Variants in IRF2 observed in about 807,000 individuals in gnomAD.
IRF2 encodes the protein interferon regulatory factor 2.
In IRF2, 15 loss-of-function variants were observed where a neutral mutation model predicts 40.6. The observed-to-expected ratio is 0.37, with a 90% CI of 0.25 to 0.57. The LOEUF (loss-of-function observed/expected upper bound fraction) is 0.57, where lower values mean the gene tolerates loss of function less well. Ranked by LOEUF, IRF2 falls within the 20% of genes least tolerant of loss-of-function variation. The pLI is 0.77. For missense variants in IRF2, 317 were observed against 455.7 expected (o/e 0.70, Z 2.77); for synonymous variants, 151 against 165.5 (o/e 0.91, Z 0.67).
chr4:184,393,549 C>T (rs1027993698), intron 7 of IRF2, among the ~76,000 whole-genome samples: 10 of 152,192 alleles, frequency 6.6e-5, no homozygotes, highest in African/African-American at 9.7e-5. Flanking sequence ...GACCTTGCAC[C>T]GCCCATGAAT....
At chr4:184,468,039 G>A (rs904787944) in intron 1 of IRF2, among the ~76,000 whole-genome samples, 1 of 152,114 alleles carries the variant, frequency 6.6e-6, no homozygotes, top group Non-Finnish European at 1.5e-5. Flanking sequence ...TGTCAACTCC[G>A]CTCTTTCTTG....
chr4:184,451,424 A>T (rs1287849298), intron 1 of IRF2, among the ~76,000 whole-genome samples: 1 of 152,228 alleles, frequency 6.6e-6, no homozygotes, highest in Non-Finnish European at 1.5e-5. Context: ...TGATGCACTC[A>T]GCATTAAACT....
intron 1 of IRF2, among the ~76,000 whole-genome samples, chr4:184,458,863 C>T (rs1739034789): frequency 1.3e-5 from 2 of 152,160 alleles, no homozygotes; most frequent in African/African-American, 4.8e-5. Flanking sequence ...TCTACTATGG[C>T]TCTTGTAAGA....
At chr4:184,453,824 G>A (rs373855327) in intron 1 of IRF2, among the ~76,000 whole-genome samples, 9 of 152,254 alleles carry the variant, frequency 5.9e-5, no homozygotes, top group African/African-American at 2.2e-4. Context: ...TCATTTTTGA[G>A]CTCCACAGAC....
rs1340401991 is a variant in IRF2 at position 184,408,297 on chromosome 4, A to G, written c.412-22T>C. The G allele has an allele frequency of 7.0e-7, 1 of 1,420,626 alleles. No individual in the cohort carries two copies. Among genetic ancestry groups the G allele is most frequent in the Non-Finnish European group, 9.9e-7 (1 of 1,005,746 alleles). 88.0% of individuals were successfully genotyped at this position (1,420,626 alleles called of 1,614,324 possible). ...CTTGCTAGGAAGAAGAAAAGAAAAA[A>G]GAATTGAGAACACTTCCTTTCCCCT... On this transcript the variant is annotated intron_variant, in intron 5 of 8. Coordinates refer to ENST00000393593, the MANE Select transcript of IRF2 (RefSeq NM_002199.4). The surrounding 1 kb of genome is among the most constrained non-coding windows in gnomAD (Gnocchi z 4.9).
intron 1 of IRF2, among the ~76,000 whole-genome samples, chr4:184,436,240 G>A: frequency 6.6e-6 from 1 of 152,180 alleles, no homozygotes; most frequent in Admixed American, 6.5e-5. Flanking sequence ...CTCCCAAAGT[G>A]CTGGGATTAC....
chr4:184,441,764 G>A (rs896875416), intron 1 of IRF2, among the ~76,000 whole-genome samples: 1 of 152,194 alleles, frequency 6.6e-6, no homozygotes, highest in African/African-American at 2.4e-5. Flanking sequence ...ACGTTAAGAG[G>A]ATAAGCTCAC....
chr4:184,422,030 G>C (rs1737502361), intron 2 of IRF2, among the ~76,000 whole-genome samples: 2 of 152,136 alleles, frequency 1.3e-5, no homozygotes, highest in South Asian at 4.1e-4. Context: ...GCTCCGGTGA[G>C]AGCTGATTAT....
intron 1 of IRF2, among the ~76,000 whole-genome samples, chr4:184,462,361 C>G (rs1302036262): frequency 6.6e-6 from 1 of 152,170 alleles, no homozygotes; most frequent in Non-Finnish European, 1.5e-5. Flanking sequence ...GCTACCTAAG[C>G]AGTTCTTAGG....
chr4:184,431,739 T>C (rs898797343), intron 1 of IRF2, among the ~76,000 whole-genome samples: 2 of 152,098 alleles, frequency 1.3e-5, no homozygotes, highest in African/African-American at 4.8e-5. Flanking sequence ...TCCCTGGCGC[T>C]GCAGCTGAGC....
At chr4:184,441,561 T>C (rs1254026632) in intron 1 of IRF2, among the ~76,000 whole-genome samples, 2 of 152,216 alleles carry the variant, frequency 1.3e-5, no homozygotes, top group African/African-American at 4.8e-5. Context: ...ACACAACCTG[T>C]TGGTAAGCAA....
intron 6 of IRF2, among the ~76,000 whole-genome samples, chr4:184,401,298 C>G (rs547065239): frequency 6.6e-6 from 1 of 152,048 alleles, no homozygotes; most frequent in Admixed American, 6.5e-5. Flanking sequence ...CTGATTTCTA[C>G]GCAGGGAAGG....
At chr4:184,447,926 G>T (rs1738573009) in intron 1 of IRF2, among the ~76,000 whole-genome samples, 1 of 152,208 alleles carries the variant, frequency 6.6e-6, no homozygotes, top group African/African-American at 2.4e-5. Context: ...CAGGAACAGG[G>T]TCTGCGGGTG....
chr4:184,418,183 T>C lies in IRF2; in HGVS notation c.395A>G (p.Lys132Arg). 6.2e-7 allele frequency: 1 copy of C among 1,613,996 alleles called. No homozygotes were observed. The highest frequency in any genetic ancestry group is 8.5e-7 in the Non-Finnish European group (1 of 1,179,830). Residue 132 changes from lysine to arginine, a missense_variant, in exon 5 of 9, where the codon AAA (lysine) becomes AGA (arginine). Coordinates refer to ENST00000393593, the MANE Select transcript of IRF2 (RefSeq NM_002199.4). ...CAAGATTACCTTGATGTGCTTAACT[T>C]TGTCTTCTTTTTCTGTCTTTGGTTT... ...GKKPKTEKED[K>R]VKHIKQEPVE...
chr4:184,426,451 T>G (rs891738517), intron 2 of IRF2, among the ~76,000 whole-genome samples: 1 of 152,194 alleles, frequency 6.6e-6, no homozygotes, highest in Non-Finnish European at 1.5e-5. Context: ...CCTTCTCCTC[T>G]TCTGTCTCTT....
intron 7 of IRF2, among the ~76,000 whole-genome samples, chr4:184,395,428 AAAAAAAAGGTGGTCAGAGGAGATTG>A: frequency 6.7e-6 from 1 of 150,300 alleles, no homozygotes; most frequent in African/African-American, 2.5e-5. Context: ...AAAAAAAAAA[AAAAAAAAGGTGGTCAGAGGAGATTG>A]AAATTCAGAT....
At chr4:184,442,026 G>A (rs1738331326) in intron 1 of IRF2, among the ~76,000 whole-genome samples, 1 of 152,124 alleles carries the variant, frequency 6.6e-6, no homozygotes, top group East Asian at 1.9e-4. Context: ...CATCTGCACT[G>A]GGAGCCTGTG....
chr4:184,463,070 G>C (rs1350307803), intron 1 of IRF2, among the ~76,000 whole-genome samples: 1 of 152,226 alleles, frequency 6.6e-6, no homozygotes, highest in Non-Finnish European at 1.5e-5. Context: ...CAAGAGTCTA[G>C]AATGAAACAT....
At chr4:184,461,691 C>CCG (rs1028075326) in intron 1 of IRF2, among the ~76,000 whole-genome samples, 27 of 147,950 alleles carry the variant, frequency 1.8e-4, no homozygotes, top group African/African-American at 6.5e-4. Context: ...CCCGCCCCCC[C>CCG]ACCGCCCCCC....
Sources: gnomAD v4.1 joint callset for allele counts (sites outside exome capture counted in the v4.1 genomes callset) on GRCh38, gnomAD v4.1.1 for gene constraint, Gnocchi (gnomAD v3.1) non-coding constraint, MANE v1.5 for transcripts, NCBI Gene and HGNC (gene_info 2026-07-23, HGNC 2026-07-21) for gene names.